Variants in RBFOX1 observed in about 807,000 individuals in gnomAD.
The protein encoded by RBFOX1 is RNA binding fox-1 homolog 1.
RBFOX1 carries 8 observed loss-of-function variants against 57.7 expected under a neutral mutation model. The observed-to-expected ratio is 0.14, with a 90% confidence interval of 0.08 to 0.25. The LOEUF (loss-of-function observed/expected upper bound fraction) is 0.25, where lower values mean the gene tolerates loss of function less well. Ranked by LOEUF, RBFOX1 falls within the 10% of genes least tolerant of loss-of-function variation. RBFOX1 has a pLI of 1.00. For missense variants in RBFOX1, 611 were observed against 548.5 expected, an observed-to-expected ratio of 1.11 and a Z score of -1.14; for synonymous variants, 326 against 222.4, an observed-to-expected ratio of 1.47 and a Z score of -4.15.
At chr16:6,995,388 C>T (rs1385631292) in intron 3 of RBFOX1, among the ~76,000 whole-genome samples, 2 of 150,576 alleles carry the variant, frequency 1.3e-5, no homozygotes, top group African/African-American at 4.9e-5. Flanking sequence ...ATGGATTTTT[C>T]ACTTTATTAT....
intron 2 of RBFOX1, among the ~76,000 whole-genome samples, chr16:6,413,431 T>C (rs1191690483): frequency 1.3e-5 from 2 of 152,054 alleles, no homozygotes; most frequent in Non-Finnish European, 2.9e-5. Context: ...CCCAAAGTGC[T>C]GGGGTTACAG....
intron 3 of RBFOX1, among the ~76,000 whole-genome samples, chr16:6,735,366 T>C (rs2069890908): frequency 6.6e-6 from 1 of 152,230 alleles, no homozygotes; most frequent in South Asian, 2.1e-4. Context: ...AGGGAGCTTG[T>C]ACCTACTATT....
At chr16:6,854,964 C>T (rs960458452) in intron 3 of RBFOX1, among the ~76,000 whole-genome samples, 3 of 151,818 alleles carry the variant, frequency 2.0e-5, no homozygotes, top group African/African-American at 7.3e-5. Flanking sequence ...ATTAGAATCC[C>T]TTGTTAATGC....
chr16:5,453,156 T>C (rs2068479831), intron 1 of RBFOX1, among the ~76,000 whole-genome samples: 1 of 152,086 alleles, frequency 6.6e-6, no homozygotes, highest in South Asian at 2.1e-4. Context: ...ACTCCATCTA[T>C]CCATATTTAT....
chr16:7,211,264 C>T (rs1169247522), intron 4 of RBFOX1, among the ~76,000 whole-genome samples: 1 of 151,464 alleles, frequency 6.6e-6, no homozygotes, highest in Non-Finnish European at 1.5e-5. Flanking sequence ...TGGTGGTGGG[C>T]CCCTGTAGTC....
intron 4 of RBFOX1, among the ~76,000 whole-genome samples, chr16:7,385,086 T>C (rs7184072): frequency 0.088 from 13,387 of 152,202 alleles, 646 homozygotes; most frequent in East Asian, 0.2. Context: ...AACAGATCCC[T>C]GGAAAATAGA....
At chr16:5,856,217 G>T (rs56398030) in intron 3 of RBFOX1, among the ~76,000 whole-genome samples, 7 of 32,196 alleles carry the variant, frequency 2.2e-4, no homozygotes, top group South Asian at 1.4e-3. Context: ...ACATATATAT[G>T]TATATATATA....
At chr16:6,266,787 A>C (rs1290730400) in intron 1 of RBFOX1, among the ~76,000 whole-genome samples, 2 of 152,046 alleles carry the variant, frequency 1.3e-5, no homozygotes, top group Admixed American at 6.5e-5. Context: ...AGAATGTTAG[A>C]ATCCTTAAAG....
intron 5 of RBFOX1, among the ~76,000 whole-genome samples, chr16:7,541,476 C>T (rs1013867488): frequency 4.0e-5 from 6 of 151,318 alleles, no homozygotes; most frequent in African/African-American, 7.3e-5. Flanking sequence ...TTTTTTTTCC[C>T]GACTTTTATC....
intron 4 of RBFOX1, among the ~76,000 whole-genome samples, chr16:7,395,136 G>T (rs1033083975): frequency 1.3e-4 from 20 of 151,606 alleles, no homozygotes; most frequent in African/African-American, 4.8e-4. Flanking sequence ...AAGAACTGCT[G>T]ACTACAGCAT....
chr16:7,336,339 C>T (rs1166907071), intron 4 of RBFOX1, among the ~76,000 whole-genome samples: 1 of 152,246 alleles, frequency 6.6e-6, no homozygotes, highest in Admixed American at 6.5e-5. Context: ...TAGGTATCTA[C>T]CTCATAGATA....
chr16:6,856,110 T>TTCCGTTTCCTTCC (rs1367027369), intron 3 of RBFOX1, among the ~76,000 whole-genome samples: 96 of 151,630 alleles, frequency 6.3e-4, no homozygotes, highest in Non-Finnish European at 1.1e-3. Context: ...CCCTTCCCTT[T>TTCCGTTTCCTTCC]CTTCCCTTTC....
chr16:5,970,236 C>G (rs1004752921), intron 4 of RBFOX1, among the ~76,000 whole-genome samples: 1 of 151,998 alleles, frequency 6.6e-6, no homozygotes, highest in Non-Finnish European at 1.5e-5. Context: ...TTTGTTGTTT[C>G]TCATAGATGT....
intron 1 of RBFOX1, among the ~76,000 whole-genome samples, chr16:5,327,706 T>C (rs539443942): frequency 1.2e-4 from 18 of 152,320 alleles, no homozygotes; most frequent in Admixed American, 1.1e-3. Flanking sequence ...CCCGATTCCC[T>C]GGCCTCAGCA....
At chr16:7,525,655 A>G (rs2078536652) in intron 5 of RBFOX1, among the ~76,000 whole-genome samples, 1 of 152,132 alleles carries the variant, frequency 6.6e-6, no homozygotes, top group Non-Finnish European at 1.5e-5. Flanking sequence ...TCTCTGACAA[A>G]AGAAAGTACT....
rs1490286012 is a variant in RBFOX1 at position 6,580,139 on chromosome 16, A to G, written c.-63-74464A>G. On this transcript the variant is annotated intron_variant, in intron 2 of 15. Transcript: ENST00000550418. ...GCACCTAGCTAACTTTTGTGTTTTT[A>G]GAAGAGACAGGGTTTCACCATGTCA... Among the ~76,000 whole-genome samples the G allele has an allele frequency of 3.3e-5, 5 of 151,862 alleles. No individual in the cohort carries two copies. In the East Asian group the frequency reaches 9.7e-4, roughly 30 times the overall value.
downstream of RBFOX1, among the ~76,000 whole-genome samples, chr16:5,600,719 C>T (rs1433427109): frequency 6.6e-6 from 1 of 151,910 alleles, no homozygotes; most frequent in Non-Finnish European, 1.5e-5. Flanking sequence ...TATAATAAAC[C>T]TCATTAATGG....
intron 2 of RBFOX1, among the ~76,000 whole-genome samples, chr16:6,568,323 A>T (rs2097296236): frequency 6.6e-6 from 1 of 152,104 alleles, no homozygotes; most frequent in South Asian, 2.1e-4. Flanking sequence ...TCATATGGAT[A>T]TTGGCAGGCC....
At chr16:5,573,667 T>A (rs2046358374) in intron 2 of RBFOX1, among the ~76,000 whole-genome samples, 1 of 152,092 alleles carries the variant, frequency 6.6e-6, no homozygotes, top group African/African-American at 2.4e-5. Context: ...GGCTCCTCTC[T>A]AAGAAACAGA....
Sources: allele counts gnomAD v4.1 joint callset (sites outside exome capture counted in the v4.1 genomes callset), GRCh38; gene constraint gnomAD v4.1.1; transcripts MANE v1.5; gene names NCBI Gene and HGNC (gene_info 2026-07-23, HGNC 2026-07-21).